Variants in DLG2 observed in about 807,000 individuals in gnomAD.
DLG2 encodes discs large MAGUK scaffold protein 2, also known as disks large homolog 2.
A neutral mutation model predicts 132.5 loss-of-function variants in DLG2; 45 were observed. That is an observed-to-expected ratio of 0.34 (90% CI 0.27 to 0.44). The LOEUF (loss-of-function observed/expected upper bound fraction) is 0.44, where lower values mean the gene tolerates loss of function less well. Among genes scored for constraint, DLG2 ranks in the 20% least tolerant of loss-of-function variants. The pLI is 1.00. For synonymous variants in DLG2, 424 were observed against 419.6 expected, an observed-to-expected ratio of 1.01 and a Z score of -0.13; for missense variants, 1,045 against 1,196.9, an observed-to-expected ratio of 0.87 and a Z score of 1.87.
chr11:84,113,302 G>A (rs2093460512), intron 9 of DLG2, among the ~76,000 whole-genome samples: 1 of 152,166 alleles, frequency 6.6e-6, no homozygotes, highest in South Asian at 2.1e-4. Flanking sequence ...TAGTGCACAT[G>A]GTTTTCTATA....
In DLG2 at chr11:83,896,501, C is replaced by A. The variant is rs191960345; in HGVS notation, c.1497-22013G>T. On this transcript the variant is annotated intron_variant, in intron 15 of 27. Transcript: ENST00000376104. ...GTTAATTTTGTGAAAGATGGACCAGCCATATTTTCTTTTGTGAAACAAAAC... is the reference window on the plus strand; with the variant it reads ...GTTAATTTTGTGAAAGATGGACCAGACATATTTTCTTTTGTGAAACAAAAC... Among the ~76,000 whole-genome samples, 346 of 152,288 alleles carry A rather than the reference C, an allele frequency of 2.3e-3. 2 individuals carry two copies. Among genetic ancestry groups the A allele is most frequent in the African/African-American group, 8.0e-3 (332 of 41,554 alleles).
At chr11:83,509,610 T>G (rs2094904977) in intron 21 of DLG2, among the ~76,000 whole-genome samples, 1 of 152,156 alleles carries the variant, frequency 6.6e-6, no homozygotes, top group Non-Finnish European at 1.5e-5. Flanking sequence ...TTTGTCTAAG[T>G]CAAATTAACC....
At chr11:83,791,061 TTTCGGACGCCATTCAGGGGTGGAC>T (rs2041409717) in intron 17 of DLG2, 1 of 712,970 alleles carries the variant, frequency 1.4e-6, no homozygotes, top group Admixed American at 2.4e-5. Flanking sequence ...GTGGAAATCC[TTTCGGACGCCATTCAGGGGTGGAC>T]TCGGACTGGA....
At chr11:85,335,160 T>C (rs1437000956) in intron 3 of DLG2, among the ~76,000 whole-genome samples, 1 of 152,218 alleles carries the variant, frequency 6.6e-6, no homozygotes, top group African/African-American at 2.4e-5. Flanking sequence ...TTGAATGCTT[T>C]ATCATTGTGC....
intron 6 of DLG2, among the ~76,000 whole-genome samples, chr11:84,611,488 A>T (rs1395111176): frequency 6.6e-6 from 1 of 152,162 alleles, no homozygotes; most frequent in Non-Finnish European, 1.5e-5. Flanking sequence ...AGATGCTTGA[A>T]GAAGCTTAAA....
intron 4 of DLG2, among the ~76,000 whole-genome samples, chr11:85,155,841 T>A (rs1254912210): frequency 2.0e-5 from 3 of 148,828 alleles, no homozygotes; most frequent in Non-Finnish European, 4.4e-5. Context: ...CCTGGGTGAC[T>A]GAGCAAGACT....
chr11:83,795,416 A>AATATCT lies in DLG2; in HGVS notation c.1723-8630_1723-8625dup, dbSNP rs56891300. Among the ~76,000 whole-genome samples, 159 of 136,346 alleles carry AATATCT rather than the reference A, an allele frequency of 1.2e-3. No individual in the cohort carries two copies. The East Asian group carries it at 0.015, about 13-fold the overall frequency. The allele number at this position is 136,346 out of a possible 152,430, so 89.4% of individuals were successfully genotyped here. ...GAGTGAGACTCTTTATAAGAAAAAA[A>AATATCT]ATATCTATATCTATATCTATATCTA... On this transcript the variant is annotated intron_variant, in intron 17 of 27. Transcript: ENST00000376104.
intron 6 of DLG2, among the ~76,000 whole-genome samples, chr11:84,752,396 T>C (rs2066246759): frequency 6.6e-6 from 1 of 152,170 alleles, no homozygotes; most frequent in South Asian, 2.1e-4. Context: ...CAATATGTGC[T>C]GTGAAAATAA....
Position 85,206,189 on chromosome 11 carries a change from T to G in DLG2, c.187-51538A>C, listed in dbSNP as rs77317302. ...AAGTGCTGGCTCCCCCTTCGCCTTC[T>G]GCCATGATTGGAAGCTCCCTGAGGC... On this transcript the variant is annotated intron_variant, in intron 4 of 27. Coordinates refer to ENST00000376104, the MANE Select transcript of DLG2 (RefSeq NM_001142699.3). Among the ~76,000 whole-genome samples, 3 of 152,172 alleles carry G rather than the reference T, an allele frequency of 2.0e-5. No individual in the cohort carries two copies. In the East Asian group the frequency reaches 5.8e-4, roughly 29 times the overall value.
chr11:85,348,067 T>C (rs764486469), intron 3 of DLG2, among the ~76,000 whole-genome samples: 45 of 146,574 alleles, frequency 3.1e-4, no homozygotes, highest in Non-Finnish European at 3.4e-4. Flanking sequence ...CTCACTGCAA[T>C]TTCCGCCTCC....
chr11:84,059,085 T>G (rs79530126), intron 11 of DLG2, among the ~76,000 whole-genome samples: 2,278 of 152,180 alleles, frequency 0.015, 51 homozygotes, highest in African/African-American at 0.051. Context: ...ACTGTTAATA[T>G]TTTTGTTTTT....
chr11:83,480,530 G>T (rs997128898), intron 22 of DLG2: 2 of 1,509,316 alleles, frequency 1.3e-6, no homozygotes, highest in Non-Finnish European at 9.0e-7. Flanking sequence ...AGTAAAAGCC[G>T]CAGAGGAGGC....
intron 6 of DLG2, among the ~76,000 whole-genome samples, chr11:84,797,375 T>A (rs1300843493): frequency 6.6e-6 from 1 of 152,198 alleles, no homozygotes; most frequent in Non-Finnish European, 1.5e-5. Flanking sequence ...GATTTACCCT[T>A]ATGAGGGTAT....
intron 6 of DLG2, among the ~76,000 whole-genome samples, chr11:84,566,673 C>T (rs1367878664): frequency 6.6e-6 from 1 of 152,146 alleles, no homozygotes; most frequent in Non-Finnish European, 1.5e-5. Flanking sequence ...GAATTGATAA[C>T]TGATTATATA....
chr11:84,842,036 T>G (rs952293250), intron 6 of DLG2, among the ~76,000 whole-genome samples: 3 of 151,986 alleles, frequency 2.0e-5, no homozygotes, highest in African/African-American at 7.2e-5. Context: ...CTATTTTTAC[T>G]TACTATATTC....
intron 7 of DLG2, among the ~76,000 whole-genome samples, chr11:84,295,677 TA>T (rs1330906768): frequency 6.6e-6 from 1 of 152,216 alleles, no homozygotes; most frequent in Non-Finnish European, 1.5e-5. Context: ...GTAGTACAGA[TA>T]CTAGAGTCCT....
chr11:85,348,907 A>T (rs1384190891), intron 3 of DLG2, among the ~76,000 whole-genome samples: 5 of 152,144 alleles, frequency 3.3e-5, no homozygotes, highest in African/African-American at 1.2e-4. Context: ...ATTCTTTCTA[A>T]CATGCAAATT....
chr11:84,011,400 G>A (rs939119705), intron 11 of DLG2, among the ~76,000 whole-genome samples: 3 of 152,026 alleles, frequency 2.0e-5, no homozygotes, highest in African/African-American at 7.2e-5. Context: ...GAGCCTGGGA[G>A]GTAAAAGCTG....
intron 7 of DLG2, among the ~76,000 whole-genome samples, chr11:84,497,016 A>G (rs1442432417): frequency 1.3e-5 from 2 of 152,162 alleles, no homozygotes; most frequent in African/African-American, 4.8e-5. Context: ...TCCCTTCATT[A>G]TCTGACCAAT....
Sources: gnomAD v4.1 joint callset for allele counts (sites outside exome capture counted in the v4.1 genomes callset) on GRCh38, gnomAD v4.1.1 for gene constraint, MANE v1.5 for transcripts, NCBI Gene and HGNC (gene_info 2026-07-23, HGNC 2026-07-21) for gene names.